The following VPS33B variants were observed in gnomAD, a reference collection of about 807,000 sequenced individuals.
VPS33B encodes the protein vacuolar protein sorting-associated protein 33B.
In VPS33B, 80 loss-of-function variants were observed where a neutral mutation model predicts 95.3. The ratio of observed to expected loss-of-function variants is 0.84; its 90% CI spans 0.70 to 1.01. The LOEUF (loss-of-function observed/expected upper bound fraction) is 1.01, where lower values mean the gene tolerates loss of function less well. Ranked by LOEUF, VPS33B falls within the 50% of genes least tolerant of loss-of-function variation. The pLI, the probability that VPS33B is intolerant of heterozygous loss-of-function variation, is 0.00. For synonymous variants in VPS33B, 280 were observed against 280.4 expected, an observed-to-expected ratio of 1.00 and a Z score of 0.01; for missense variants, 715 against 773.4, an observed-to-expected ratio of 0.92 and a Z score of 0.90.
At chr15:91,020,902 T>C (rs563941075) in intron 1 of VPS33B, among the ~76,000 whole-genome samples, 3 of 152,030 alleles carry the variant, frequency 2.0e-5, no homozygotes, top group South Asian at 2.1e-4. Flanking sequence ...TAAAATAAAA[T>C]AGAAATAAAA....
In VPS33B at chr15:91,000,431, G is replaced by T. The variant is rs963515746; in HGVS notation, c.1581+59C>A. On this transcript the variant is annotated intron_variant, in intron 20 of 22. Coordinates refer to ENST00000333371, the MANE Select transcript of VPS33B (RefSeq NM_018668.5). The surrounding 1 kb of genome is among the most constrained non-coding windows in gnomAD (Gnocchi z 4.9). ...AAAAAAAACATTGAGACACGCCAGG[G>T]ACCAAGAGAAAGCAGAGAGAATGAA... 35 of 1,501,990 alleles carry T rather than the reference G, an allele frequency of 2.3e-5. No homozygotes were observed. The highest frequency in any genetic ancestry group is 3.0e-5 in the Non-Finnish European group (33 of 1,088,962). 93.0% of individuals were successfully genotyped at this position (1,501,990 alleles called of 1,614,324 possible).
rs1484627127 is a variant in VPS33B at position 91,010,906 on chromosome 15, T to C, written c.358-1060A>G. ...ACCTGAGGGAGACTAGATGAAACGATGAAGGTGGAGATGAGGAAGCAGAAG... is the reference window on the plus strand; with the variant it reads ...ACCTGAGGGAGACTAGATGAAACGACGAAGGTGGAGATGAGGAAGCAGAAG... On this transcript the variant is annotated intron_variant, in intron 5 of 22. Coordinates refer to ENST00000333371, the MANE Select transcript of VPS33B (RefSeq NM_018668.5). The surrounding 1 kb of genome is among the most constrained non-coding windows in gnomAD (Gnocchi z 5.7). Among the ~76,000 whole-genome samples the C allele has an allele frequency of 6.6e-6, 1 of 151,948 alleles. No individual in the cohort carries two copies. The highest frequency in any genetic ancestry group is 1.5e-5 in the Non-Finnish European group (1 of 67,986).
At position 91,002,821 on chromosome 15, in the gene VPS33B, A is replaced by G. The variant is rs555859181; in HGVS notation, c.1272+264T>C. Among the ~76,000 whole-genome samples the G allele has an allele frequency of 7.0e-6, 1 of 142,096 alleles. No homozygotes were observed. The highest frequency in any genetic ancestry group is 2.6e-5 in the African/African-American group (1 of 37,794). The allele number at this position is 142,096 out of a possible 152,430, so 93.2% of individuals were successfully genotyped here. On this transcript the variant is annotated intron_variant, in intron 17 of 22. Transcript: ENST00000333371. This position sits in a 1 kb window ranked among gnomAD's most constrained non-coding sequence, Gnocchi z 4.7. The stretch of plus-strand genomic sequence containing the variant: ...TGCTAAAATGAGGGAGACTCCCAGG[A>G]GAAAGAACTCACACTGGGGCCAGCA...
chr15:91,022,383 C>T lies in VPS33B; in HGVS notation c.-134G>A, dbSNP rs2041131639. On this transcript the variant is annotated 5_prime_UTR_variant, in exon 1 of 23. Transcript: ENST00000333371. ...CTTCCAGAGACCCCAGATGGGCCCT[C>T]GCTCCTCAGCAGCACTCCAGGAATG... 1 of 795,724 alleles carries T rather than the reference C, an allele frequency of 1.3e-6. No homozygotes were observed. The highest frequency in any genetic ancestry group is 2.0e-6 in the Non-Finnish European group (1 of 510,596). The allele number at this position is 795,724 out of a possible 1,614,324, so 49.3% of individuals were successfully genotyped here.
rs1009784243 is a variant in VPS33B, at chr15:91,013,711, G to A, written c.357+93C>T. On this transcript the variant is annotated intron_variant, in intron 5 of 22. Coordinates refer to ENST00000333371, the MANE Select transcript of VPS33B (RefSeq NM_018668.5). The surrounding 1 kb of genome is among the most constrained non-coding windows in gnomAD (Gnocchi z 4.5). ...TCTGTTACAGCAACAGAAAACGAAC[G>A]GAGACAGGGAGGTAGTGCTGTTGGC... is the stretch of plus-strand genomic sequence containing the variant. 9.0e-6 allele frequency: 12 copies of A among 1,328,112 alleles called. No homozygotes were observed. The highest frequency in any genetic ancestry group is 8.2e-5 in the South Asian group (7 of 85,158). 82.3% of individuals were successfully genotyped at this position (1,328,112 alleles called of 1,614,324 possible).
At position 91,018,214 on chromosome 15, in the gene VPS33B, CCT is replaced by C. The variant is rs1204080057; in HGVS notation, c.97-331_97-330del. Among the ~76,000 whole-genome samples the C allele has an allele frequency of 6.6e-6, 1 of 152,158 alleles. No individual in the cohort carries two copies. Among genetic ancestry groups the C allele is most frequent in the African/African-American group, 2.4e-5 (1 of 41,428 alleles). ...CTCTGCTGCCTCCTCCACTCTGGCT[CCT>C]AACCACCCCTGGTCTCCTGCTGAAC... On this transcript the variant is annotated intron_variant, in intron 1 of 22. Transcript: ENST00000333371. This position sits in a 1 kb window ranked among gnomAD's most constrained non-coding sequence, Gnocchi z 4.7.
Position 91,017,846 on chromosome 15 carries a change from T to C in VPS33B, c.136A>G (p.Met46Val), listed in dbSNP as rs202141764. 3 of 1,614,142 alleles carry C rather than the reference T, an allele frequency of 1.9e-6. No individual in the cohort carries two copies. Among genetic ancestry groups the C allele is most frequent in the African/African-American group, 1.3e-5 (1 of 75,034 alleles). The stretch of plus-strand genomic sequence containing the variant: ...TTGGCAATTCGATCCAAAGGGCTCA[T>C]GAGATCTGCCTCAATGAATAAATCC... ...KKDLFIEADL[M>V]SPLDRIANVS... Residue 46 changes from methionine to valine, a missense_variant, in exon 2 of 23, where the codon ATG becomes GTG. Physicochemically the swap from Met to Val is conservative, Grantham distance 21. Transcript: ENST00000333371.
At position 91,006,613 on chromosome 15, in the gene VPS33B, C is replaced by A; in HGVS notation, c.778+39G>T. 2 of 1,613,486 alleles carry A rather than the reference C, an allele frequency of 1.2e-6. No individual in the cohort carries two copies. The highest frequency in any genetic ancestry group is 2.2e-5 in the South Asian group (2 of 91,062). ...GTGGGAGGTGCCAAGGCTGATGACC[C>A]GTCCATCTTGCCAAGATGCAGAGGA... On this transcript the variant is annotated intron_variant, in intron 10 of 22. Coordinates refer to ENST00000333371, the MANE Select transcript of VPS33B (RefSeq NM_018668.5). This position sits in a 1 kb window ranked among gnomAD's most constrained non-coding sequence, Gnocchi z 5.4.
intron 16 of VPS33B, among the ~76,000 whole-genome samples, chr15:91,003,992 G>C (rs894817758): frequency 6.6e-6 from 1 of 152,072 alleles, no homozygotes; most frequent in African/African-American, 2.4e-5. Flanking sequence ...GGGAAGCCGA[G>C]GCAGGTGGAT....
rs754166767 is a variant in VPS33B, at chr15:91,006,770, C to A, written c.701-41G>T. Reference sequence around the variant, plus strand: ...CTGACCATGAAGGTTCTCCCTGACCCAGCCTTCTACACAGCATGTCCAAGG... The same window carrying A: ...CTGACCATGAAGGTTCTCCCTGACCAAGCCTTCTACACAGCATGTCCAAGG... On this transcript the variant is annotated intron_variant, in intron 9 of 22. Transcript: ENST00000333371. This position sits in a 1 kb window ranked among gnomAD's most constrained non-coding sequence, Gnocchi z 5.4. 2 of 1,611,696 alleles carry A rather than the reference C, an allele frequency of 1.2e-6. No individual in the cohort carries two copies. The highest frequency in any genetic ancestry group is 1.1e-5 in the South Asian group (1 of 91,034).
At position 90,999,335 on chromosome 15, in the gene VPS33B, TGAGATGGAG is replaced by T; in HGVS notation, c.1775-290_1775-282del. On this transcript the variant is annotated intron_variant, in intron 22 of 22. Transcript: ENST00000333371. This position sits in a 1 kb window ranked among gnomAD's most constrained non-coding sequence, Gnocchi z 5.1. ...CTTTGCGTGTTTTTTTTTTTTCTCT[TGAGATGGAG>T]TTTTGCTATTGTTGCCCAGGCTGGA... 1.9e-6 allele frequency: 1 copy of T among 537,816 alleles called. No individual in the cohort carries two copies. Among genetic ancestry groups the T allele is most frequent in the Non-Finnish European group, 3.3e-6 (1 of 299,670 alleles). The allele number at this position is 537,816 out of a possible 1,614,324, so 33.3% of individuals were successfully genotyped here.
chr15:91,000,099 GC>G lies in VPS33B; in HGVS notation c.1582-125del. The G allele has an allele frequency of 1.6e-6, 2 of 1,228,546 alleles. No homozygotes were observed. The highest frequency in any genetic ancestry group is 2.3e-6 in the Non-Finnish European group (2 of 853,998). 76.1% of individuals were successfully genotyped at this position (1,228,546 alleles called of 1,614,324 possible). A position where few individuals can be genotyped will look rare whatever the true frequency, so the allele number is the denominator to read the frequency against. On this transcript the variant is annotated intron_variant, in intron 20 of 22. Transcript: ENST00000333371. The surrounding 1 kb of genome is among the most constrained non-coding windows in gnomAD (Gnocchi z 4.9). The stretch of plus-strand genomic sequence containing the variant: ...TCAAGTAGCAAAAAGTTGAGACAGG[GC>G]CAGGTGTGGTGGCTCACGCCTGTAA...
Position 91,006,887 on chromosome 15 carries a change from C to G in VPS33B, c.700+63G>C. 6.2e-7 allele frequency: 1 copy of G among 1,607,504 alleles called. No individual in the cohort carries two copies. The highest frequency in any genetic ancestry group is 8.5e-7 in the Non-Finnish European group (1 of 1,174,176). ...CTTTAGGATTTTAACTTTGCCACCA[C>G]GCCTTCCATATTCCCGTGTCTTCTA... On this transcript the variant is annotated intron_variant, in intron 9 of 22. Coordinates refer to ENST00000333371, the MANE Select transcript of VPS33B (RefSeq NM_018668.5). This position sits in a 1 kb window ranked among gnomAD's most constrained non-coding sequence, Gnocchi z 5.4.
chr15:91,003,202 A>C, intron 16 of VPS33B, 71 bp from the exon 17 acceptor site: 1 of 1,474,940 alleles, frequency 6.8e-7, no homozygotes, highest in Non-Finnish European at 9.5e-7. Context: ...TGTACAGATC[A>C]ACCAGCAACG....
intron 1 of VPS33B, among the ~76,000 whole-genome samples, chr15:91,021,230 T>A (rs2041092682): frequency 6.6e-6 from 1 of 152,218 alleles, no homozygotes; most frequent in East Asian, 1.9e-4. Context: ...CACCTTCCAG[T>A]CTAATGAGGA....
chr15:91,007,452 A>G lies in VPS33B; in HGVS notation c.603+17T>C, dbSNP rs1175911592. 6.2e-7 allele frequency: 1 copy of G among 1,611,242 alleles called. No individual in the cohort carries two copies. Among genetic ancestry groups the G allele is most frequent in the East Asian group, 2.2e-5 (1 of 44,872 alleles). ...AAACAGCGTCTGCTGGGACAACAGT[A>G]CTGCTAGTGCTCTTACCTTGGCGCA... On this transcript the variant is annotated intron_variant, in intron 8 of 22. Coordinates refer to ENST00000333371, the MANE Select transcript of VPS33B (RefSeq NM_018668.5). The surrounding 1 kb of genome is among the most constrained non-coding windows in gnomAD (Gnocchi z 5.3).
chr15:91,007,807 C>A lies in VPS33B; in HGVS notation c.498+63G>T. 1 of 1,457,968 alleles carries A rather than the reference C, an allele frequency of 6.9e-7. No homozygotes were observed. Among genetic ancestry groups the A allele is most frequent in the Non-Finnish European group, 9.6e-7 (1 of 1,038,418 alleles). 90.3% of individuals were successfully genotyped at this position (1,457,968 alleles called of 1,614,324 possible). On this transcript the variant is annotated intron_variant, in intron 7 of 22. Coordinates refer to ENST00000333371, the MANE Select transcript of VPS33B (RefSeq NM_018668.5). This position sits in a 1 kb window ranked among gnomAD's most constrained non-coding sequence, Gnocchi z 5.3. ...ACAAAGGTTATATTGGTATTTCTAG[C>A]CCTCTGCATCCCACATTTGTCCCCA... is the stretch of plus-strand genomic sequence containing the variant.
In VPS33B at chr15:91,015,582, A is replaced by C. The variant is rs2040901409; in HGVS notation, c.240-1149T>G. On this transcript the variant is annotated intron_variant, in intron 3 of 22. Coordinates refer to ENST00000333371, the MANE Select transcript of VPS33B (RefSeq NM_018668.5). The surrounding 1 kb of genome is among the most constrained non-coding windows in gnomAD (Gnocchi z 4.7). ...GTAATCACAGCTACTTGGGAGGCTA[A>C]GAAGAATTGCTTGAACCTGGGAGGC... Among the ~76,000 whole-genome samples, 1 of 151,940 alleles carries C rather than the reference A, an allele frequency of 6.6e-6. No homozygotes were observed. The highest frequency in any genetic ancestry group is 1.9e-4 in the East Asian group (1 of 5,192).
In VPS33B at chr15:91,015,317, C is replaced by T. The variant is rs1036107895; in HGVS notation, c.240-884G>A. Among the ~76,000 whole-genome samples, 4 of 151,554 alleles carry T rather than the reference C, an allele frequency of 2.6e-5. No individual in the cohort carries two copies. The highest frequency in any genetic ancestry group is 9.7e-5 in the African/African-American group (4 of 41,058). On this transcript the variant is annotated intron_variant, in intron 3 of 22. Transcript: ENST00000333371. The surrounding 1 kb of genome is among the most constrained non-coding windows in gnomAD (Gnocchi z 4.7). ...CGCCATTGCTCTCCAGCCTGGATGA[C>T]AAGAGCTAAACTCCGTCTCAAAAAA...
Sources: gnomAD v4.1 joint callset for allele counts (sites outside exome capture counted in the v4.1 genomes callset) on GRCh38, gnomAD v4.1.1 for gene constraint, Gnocchi (gnomAD v3.1) non-coding constraint, MANE v1.5 for transcripts, NCBI Gene and HGNC (gene_info 2026-07-23, HGNC 2026-07-21) for gene names.